The following ANKS1A variants were observed in gnomAD, a reference collection of about 807,000 sequenced individuals.
ANKS1A encodes ankyrin repeat and sterile alpha motif domain containing 1A, also known as ankyrin repeat and SAM domain-containing protein 1A.
Under a neutral mutation model 120.3 loss-of-function variants are expected in ANKS1A, and 55 were observed. That is an observed-to-expected ratio of 0.46 (90% confidence interval 0.37 to 0.57). The LOEUF (loss-of-function observed/expected upper bound fraction) is 0.57. Among genes scored for constraint, ANKS1A ranks in the 20% least tolerant of loss-of-function variants. ANKS1A has a pLI of 0.00. For missense variants in ANKS1A, 1,123 were observed against 1,480.3 expected (o/e 0.76, Z 3.96); for synonymous variants, 590 against 604.7 (o/e 0.98, Z 0.36).
Position 35,050,453 on chromosome 6 carries a change from C to T in ANKS1A, c.2011-3646C>T, listed in dbSNP as rs1402442939. The stretch of plus-strand genomic sequence containing the variant: ...CACTAAATGGTGCCCGTCCATTACA[C>T]TTAACCTGCCTCTTCCCCTGAAATG... On this transcript the variant is annotated intron_variant, in intron 11 of 23. Transcript: ENST00000360359. The surrounding 1 kb of genome is among the most constrained non-coding windows in gnomAD (Gnocchi z 4.3). Among the ~76,000 whole-genome samples, 1 of 152,230 alleles carries T rather than the reference C, an allele frequency of 6.6e-6. No individual in the cohort carries two copies. Among genetic ancestry groups the T allele is most frequent in the Non-Finnish European group, 1.5e-5 (1 of 68,044 alleles).
intron 1 of ANKS1A, among the ~76,000 whole-genome samples, chr6:34,906,318 C>T (rs567951358): frequency 2.6e-5 from 4 of 152,210 alleles, no homozygotes; most frequent in South Asian, 2.1e-4. Context: ...ATGCCTGGTG[C>T]GAAAGGTCAA....
Position 34,889,467 on chromosome 6 carries a change from TGCTG to T in ANKS1A, c.66_69del (p.Leu23ProfsTer50). On this transcript the variant is annotated frameshift_variant, in exon 1 of 24. Transcript: ENST00000360359. LOFTEE classifies it high-confidence loss of function. The surrounding 1 kb of genome is among the most constrained non-coding windows in gnomAD (Gnocchi z 5.5). ...GGGCACCTCCCGGCGGTGGAGAAGC[TGCTG>T]TCCGGGAAGCGGCTCTCCTCAGGCT... The T allele has an allele frequency of 1.6e-6, 2 of 1,286,906 alleles. No individual in the cohort carries two copies. The highest frequency in any genetic ancestry group is 2.0e-6 in the Non-Finnish European group (2 of 1,022,154). 79.7% of individuals were successfully genotyped at this position (1,286,906 alleles called of 1,614,324 possible). A position where few individuals can be genotyped will look rare whatever the true frequency, so the allele number is the denominator to read the frequency against.
At chr6:34,971,370 AT>A (rs1771177484) in intron 3 of ANKS1A, among the ~76,000 whole-genome samples, 1 of 152,218 alleles carries the variant, frequency 6.6e-6, no homozygotes, top group Non-Finnish European at 1.5e-5. Flanking sequence ...TTTGGAAAAA[AT>A]TGTACTTGGA....
chr6:35,078,131 C>CT, intron 13 of ANKS1A, among the ~76,000 whole-genome samples: 1 of 152,330 alleles, frequency 6.6e-6, no homozygotes, highest in East Asian at 1.9e-4. Context: ...GTACCCAAGT[C>CT]TGTCACCAGC....
intron 1 of ANKS1A, among the ~76,000 whole-genome samples, chr6:34,926,600 G>A (rs1182558064): frequency 1.3e-5 from 2 of 152,166 alleles, no homozygotes; most frequent in Non-Finnish European, 2.9e-5. Context: ...ACAAAGTGTG[G>A]TCTGTCTCTG....
chr6:34,959,245 C>G (rs1287069568), intron 1 of ANKS1A, among the ~76,000 whole-genome samples: 2 of 152,158 alleles, frequency 1.3e-5, no homozygotes, highest in Non-Finnish European at 2.9e-5. Flanking sequence ...TCTTGTATGT[C>G]CCATCAAGAG....
intron 11 of ANKS1A, among the ~76,000 whole-genome samples, chr6:35,027,355 A>T (rs1774682953): frequency 6.6e-6 from 1 of 152,164 alleles, no homozygotes; most frequent in African/African-American, 2.4e-5. Context: ...AGGTAATTAC[A>T]ACCAGTAAGA....
intron 1 of ANKS1A, among the ~76,000 whole-genome samples, chr6:34,915,986 CTTTTT>C (rs202041070): frequency 1.9e-5 from 2 of 104,568 alleles, no homozygotes; most frequent in African/African-American, 7.8e-5. Context: ...ATGTCTGGAT[CTTTTT>C]TTTTTTTTTT....
chr6:34,908,711 A>G (rs951398330), intron 1 of ANKS1A, among the ~76,000 whole-genome samples: 6 of 152,120 alleles, frequency 3.9e-5, no homozygotes, highest in African/African-American at 1.2e-4. Flanking sequence ...ATTCTGTGAC[A>G]TTTATTCTGC....
intron 1 of ANKS1A, among the ~76,000 whole-genome samples, chr6:34,916,971 G>A (rs985316368): frequency 2.0e-5 from 3 of 152,124 alleles, no homozygotes; most frequent in African/African-American, 2.4e-5. Flanking sequence ...CCCTATGGTC[G>A]TCCTACCTTA....
At chr6:35,011,376 TG>T (rs1773749940) in intron 10 of ANKS1A, among the ~76,000 whole-genome samples, 1 of 152,184 alleles carries the variant, frequency 6.6e-6, no homozygotes, top group African/African-American at 2.4e-5. Context: ...AAATCGTGGC[TG>T]GTTGGAAGCT....
At chr6:35,064,794 C>T (rs1776686277) in intron 13 of ANKS1A, among the ~76,000 whole-genome samples, 1 of 152,212 alleles carries the variant, frequency 6.6e-6, no homozygotes, top group Non-Finnish European at 1.5e-5. Context: ...CCCCAGCCCC[C>T]ACCTCCACCC....
chr6:35,032,364 G>C (rs1274749454), intron 11 of ANKS1A, among the ~76,000 whole-genome samples: 2 of 152,198 alleles, frequency 1.3e-5, no homozygotes, highest in Non-Finnish European at 2.9e-5. Context: ...AGCTTGACAG[G>C]TCTTTCCATC....
rs375549519 is a variant in ANKS1A, at chr6:35,083,425, G to A, written c.2916G>A (p.Thr972=). The part of the protein sequence containing the change: ...QDACAKMRKS[T]EHMKKIPTII... ...CCCCTTGTTTCCTGTAGAAATCTAC[G>A]GAGCACATGAAGAAGATCCCCACCA... Residue 972 remains threonine (T), a synonymous_variant, in exon 20 of 24, where the codon ACG becomes ACA. Coordinates refer to ENST00000360359, the MANE Select transcript of ANKS1A (RefSeq NM_015245.3). The A allele has an allele frequency of 4.6e-5, 74 of 1,613,928 alleles. No individual in the cohort carries two copies. The highest frequency in any genetic ancestry group is 1.1e-4 in the African/African-American group (8 of 74,888).
At chr6:34,964,775 A>T (rs1392047597) in intron 1 of ANKS1A, among the ~76,000 whole-genome samples, 2 of 152,200 alleles carry the variant, frequency 1.3e-5, no homozygotes, top group Non-Finnish European at 2.9e-5. Flanking sequence ...GCTCAAAGTG[A>T]ATCCTATTTT....
Position 34,903,195 on chromosome 6 carries a change from C to A in ANKS1A, c.197+13596C>A, listed in dbSNP as rs549667005. Among the ~76,000 whole-genome samples the A allele has an allele frequency of 8.5e-4, 130 of 152,274 alleles. 1 individual carries two copies. The highest frequency in any genetic ancestry group is 3.1e-3 in the African/African-American group (128 of 41,554). The stretch of plus-strand genomic sequence containing the variant: ...GGCGTTCCCACTGTAATCCATAAAA[C>A]CCATTTCCAGTAACTTCTGTCTTCT... On this transcript the variant is annotated intron_variant, in intron 1 of 23. Transcript: ENST00000360359.
intron 10 of ANKS1A, among the ~76,000 whole-genome samples, chr6:35,000,307 CTTA>C (rs1409970393): frequency 2.0e-5 from 3 of 150,360 alleles, no homozygotes; most frequent in Admixed American, 2.0e-4. Context: ...TAAACAAGGT[CTTA>C]TTAATAGCAA....
intron 11 of ANKS1A, chr6:35,023,544 T>C (rs1446923095): frequency 5.2e-6 from 2 of 385,580 alleles, no homozygotes; most frequent in Non-Finnish European, 1.1e-5. Flanking sequence ...ATTTAGAAAG[T>C]TTCTTTCACT....
chr6:34,924,099 G>GTGTGTT (rs1768581651), intron 1 of ANKS1A, among the ~76,000 whole-genome samples: 1 of 147,164 alleles, frequency 6.8e-6, no homozygotes, highest in African/African-American at 2.6e-5. Flanking sequence ...TCGTGTGTGT[G>GTGTGTT]TGTGTGTGTG....
Sources: gnomAD v4.1 joint callset for allele counts (sites outside exome capture counted in the v4.1 genomes callset) on GRCh38, gnomAD v4.1.1 for gene constraint, Gnocchi (gnomAD v3.1) non-coding constraint, MANE v1.5 for transcripts, NCBI Gene and HGNC (gene_info 2026-07-23, HGNC 2026-07-21) for gene names.